Variants in GRIK1 observed in about 807,000 individuals in gnomAD.
GRIK1 encodes glutamate ionotropic receptor kainate type subunit 1.
In GRIK1, 69 loss-of-function variants were observed where a neutral mutation model predicts 105.7. The ratio of observed to expected loss-of-function variants is 0.65; its 90% CI spans 0.54 to 0.80. The LOEUF is 0.80. GRIK1 is among the 30% of genes least tolerant of loss of function. GRIK1 has a pLI of 0.00. For missense variants in GRIK1, 1,109 were observed against 1,167.3 expected, an observed-to-expected ratio of 0.95 and a Z score of 0.73; for synonymous variants, 438 against 431.3, an observed-to-expected ratio of 1.02 and a Z score of -0.19.
intron 1 of GRIK1, among the ~76,000 whole-genome samples, chr21:29,807,559 G>A (rs1484699269): frequency 1.3e-5 from 2 of 152,006 alleles, no homozygotes; most frequent in East Asian, 3.9e-4. Context: ...ATCTCAGAAA[G>A]GTTCTTATTC....
intron 1 of GRIK1, among the ~76,000 whole-genome samples, chr21:29,863,583 T>A (rs2068713960): frequency 6.6e-6 from 1 of 152,214 alleles, no homozygotes; most frequent in Non-Finnish European, 1.5e-5. Flanking sequence ...TTTGACATTG[T>A]CTATTATGCA....
At chr21:29,606,275 TTTTTATTTTA>T (rs551391537) in intron 7 of GRIK1, among the ~76,000 whole-genome samples, 6 of 152,228 alleles carry the variant, frequency 3.9e-5, no homozygotes, top group Admixed American at 6.5e-5. Flanking sequence ...ATTGGCCAGC[TTTTTATTTTA>T]TTTTATTTTA....
In GRIK1 at chr21:29,923,751, A is replaced by G. The variant is rs573092176; in HGVS notation, c.118+15632T>C. Among the ~76,000 whole-genome samples the G allele has an allele frequency of 1.2e-4, 18 of 152,354 alleles. No homozygotes were observed. In the South Asian group the frequency reaches 1.2e-3, roughly 11 times the overall value. The stretch of plus-strand genomic sequence containing the variant: ...ATGTTCAGAACACAGACTGACAAAC[A>G]ACGTTTAGTTATTTCCCTTCAGCCT... On this transcript the variant is annotated intron_variant, in intron 1 of 17. Transcript: ENST00000327783.
intron 1 of GRIK1, among the ~76,000 whole-genome samples, chr21:29,743,391 C>T (rs1008565148): frequency 2.0e-5 from 3 of 151,974 alleles, no homozygotes; most frequent in Admixed American, 6.6e-5. Flanking sequence ...GGCTCTTCAG[C>T]GTGTACTTTA....
At chr21:29,690,097 A>G in intron 2 of GRIK1, 112 bp from the exon 3 acceptor site, 1 of 834,002 alleles carries the variant, frequency 1.2e-6, no homozygotes, top group Non-Finnish European at 1.9e-6. Flanking sequence ...TTTTAATGCA[A>G]CTATTGAAAA....
intron 1 of GRIK1, among the ~76,000 whole-genome samples, chr21:29,729,595 A>G: frequency 6.6e-6 from 1 of 152,200 alleles, no homozygotes; most frequent in Non-Finnish European, 1.5e-5. Flanking sequence ...TAAATAGGCA[A>G]CAGAATAAAT....
At chr21:29,878,308 A>G (rs529872509) in intron 1 of GRIK1, among the ~76,000 whole-genome samples, 94 of 152,296 alleles carry the variant, frequency 6.2e-4, no homozygotes, top group African/African-American at 1.8e-3. Flanking sequence ...GGTCAACGCA[A>G]AAAGCATTTA....
At chr21:29,900,807 C>A (rs1247321977) in intron 1 of GRIK1, among the ~76,000 whole-genome samples, 2 of 152,124 alleles carry the variant, frequency 1.3e-5, no homozygotes. Flanking sequence ...ATCTACAGAA[C>A]CCTCTACCCC....
At chr21:29,635,086 A>T (rs982240695) in intron 7 of GRIK1, among the ~76,000 whole-genome samples, 1 of 152,210 alleles carries the variant, frequency 6.6e-6, no homozygotes, top group African/African-American at 2.4e-5. Context: ...AATATCTCTG[A>T]CAGACAGTTG....
chr21:29,763,357 A>G (rs1011179398), intron 1 of GRIK1, among the ~76,000 whole-genome samples: 2 of 124,808 alleles, frequency 1.6e-5, no homozygotes, highest in South Asian at 3.1e-4. Flanking sequence ...AGTTCATTAA[A>G]CCTCTTTTCT....
intron 1 of GRIK1, among the ~76,000 whole-genome samples, chr21:29,831,873 T>G (rs1297579235): frequency 6.6e-6 from 1 of 152,094 alleles, no homozygotes; most frequent in Non-Finnish European, 1.5e-5. Context: ...ATTTCAACAT[T>G]ACCTCAAAAA....
At chr21:29,774,036 T>C (rs1395313950) in intron 1 of GRIK1, among the ~76,000 whole-genome samples, 3 of 152,220 alleles carry the variant, frequency 2.0e-5, no homozygotes, top group Non-Finnish European at 4.4e-5. Flanking sequence ...GGAACTAATA[T>C]TTTCTGCTAC....
chr21:29,893,321 A>G (rs2069976983), intron 1 of GRIK1, among the ~76,000 whole-genome samples: 1 of 152,166 alleles, frequency 6.6e-6, no homozygotes, highest in Non-Finnish European at 1.5e-5. Flanking sequence ...CAAAATAGAG[A>G]TAAGTATGGT....
chr21:29,575,075 C>T (rs1018914390), intron 14 of GRIK1, among the ~76,000 whole-genome samples: 2 of 151,990 alleles, frequency 1.3e-5, no homozygotes, highest in African/African-American at 4.8e-5. Flanking sequence ...CTACTTTTTC[C>T]ATTACTTTGC....
intron 4 of GRIK1, among the ~76,000 whole-genome samples, chr21:29,656,553 C>A (rs1454012712): frequency 6.6e-6 from 1 of 151,948 alleles, no homozygotes; most frequent in Admixed American, 6.6e-5. Flanking sequence ...GAGAGTGTAG[C>A]CTTGATTTCT....
chr21:29,804,940 T>C (rs1393832262), intron 1 of GRIK1, among the ~76,000 whole-genome samples: 1 of 152,178 alleles, frequency 6.6e-6, no homozygotes, highest in Non-Finnish European at 1.5e-5. Context: ...TTTTACATAT[T>C]AGAAGGCTGA....
In GRIK1 at chr21:29,560,380, C is replaced by T. The variant is rs1288496128; in HGVS notation, c.2356+1244G>A. Among the ~76,000 whole-genome samples, 176 of 51,484 alleles carry T rather than the reference C, an allele frequency of 3.4e-3. 2 individuals are homozygous for T. The highest frequency in any genetic ancestry group is 6.0e-3 in the Admixed American group (25 of 4,186). The allele number at this position is 51,484 out of a possible 152,430, so 33.8% of individuals were successfully genotyped here. On this transcript the variant is annotated intron_variant, in intron 15 of 17. Transcript: ENST00000327783. Reference sequence around the variant, plus strand: ...CTTTTTCTTTCTTCCTTCCTTCCTTCCTTCCTTCCTTCCTTCCTTCCTTTC... The same window carrying T: ...CTTTTTCTTTCTTCCTTCCTTCCTTTCTTCCTTCCTTCCTTCCTTCCTTTC...
chr21:29,553,391 A>G (rs567683291), intron 16 of GRIK1: 9 of 1,299,382 alleles, frequency 6.9e-6, no homozygotes, highest in Non-Finnish European at 8.8e-6. Context: ...CAGTGCAAGT[A>G]TCTTTCCAGT....
intron 2 of GRIK1, among the ~76,000 whole-genome samples, chr21:29,691,775 C>A (rs532679570): frequency 6.6e-6 from 1 of 152,140 alleles, no homozygotes; most frequent in Non-Finnish European, 1.5e-5. Context: ...AGTTACCTGA[C>A]TTAATTCAGA....
Sources: allele counts gnomAD v4.1 joint callset (sites outside exome capture counted in the v4.1 genomes callset), GRCh38; gene constraint gnomAD v4.1.1; transcripts MANE v1.5; gene names NCBI Gene and HGNC (gene_info 2026-07-23, HGNC 2026-07-21).